ARL15: variants seen among roughly 807,000 people sequenced by gnomAD.
The protein encoded by ARL15 is ARF like GTPase 15.
In ARL15, 19 loss-of-function variants were observed where a neutral mutation model predicts 25.2. The ratio of observed to expected loss-of-function variants is 0.75; its 90% CI spans 0.53 to 1.10. The LOEUF is 1.10. Among genes scored for constraint, ARL15 ranks in the 50% least tolerant of loss-of-function variants. The pLI is 0.00. For synonymous variants in ARL15, 94 were observed against 86.8 expected, an observed-to-expected ratio of 1.08 and a Z score of -0.46; for missense variants, 220 against 246.0, an observed-to-expected ratio of 0.89 and a Z score of 0.71.
At chr5:54,303,747 G>A (rs2112718384) in intron 1 of ARL15, among the ~76,000 whole-genome samples, 1 of 147,574 alleles carries the variant, frequency 6.8e-6, no homozygotes, top group Admixed American at 6.8e-5. Context: ...GGGGAGGGGA[G>A]GGGAAAGGAG....
chr5:53,952,342 TA>T (rs1323472216), intron 4 of ARL15, among the ~76,000 whole-genome samples: 2 of 152,216 alleles, frequency 1.3e-5, no homozygotes, highest in Non-Finnish European at 2.9e-5. Flanking sequence ...TTTTTATGTT[TA>T]AACTTTTTAG....
At chr5:53,907,488 A>ATATAT (rs1360900279) in intron 4 of ARL15, among the ~76,000 whole-genome samples, 1 of 18,012 alleles carries the variant, frequency 5.6e-5, no homozygotes, top group East Asian at 2.6e-3. Context: ...ATATATATAT[A>ATATAT]TTTTTTTTTT....
At chr5:54,231,359 C>T (rs1215226264) in intron 1 of ARL15, among the ~76,000 whole-genome samples, 1 of 152,164 alleles carries the variant, frequency 6.6e-6, no homozygotes, top group Non-Finnish European at 1.5e-5. Flanking sequence ...ACTTCTGCCA[C>T]CCTCATCCAG....
At chr5:53,964,781 T>A (rs1002051958) in intron 4 of ARL15, among the ~76,000 whole-genome samples, 9 of 152,210 alleles carry the variant, frequency 5.9e-5, no homozygotes, top group African/African-American at 2.2e-4. Flanking sequence ...TTCTATAACA[T>A]CCTTGATGAT....
At chr5:54,279,888 G>A (rs922402253) in intron 1 of ARL15, among the ~76,000 whole-genome samples, 3 of 152,220 alleles carry the variant, frequency 2.0e-5, no homozygotes, top group Non-Finnish European at 4.4e-5. Context: ...GCCAGTCAGA[G>A]CTCCCTTTCT....
chr5:54,198,433 G>A lies in ARL15; in HGVS notation c.49-26505C>T, dbSNP rs1233517622. Among the ~76,000 whole-genome samples, 5 of 151,814 alleles carry A rather than the reference G, an allele frequency of 3.3e-5. No homozygotes were observed. The East Asian group carries it at 9.6e-4, about 29-fold the overall frequency. On this transcript the variant is annotated intron_variant, in intron 1 of 4. Transcript: ENST00000504924. ...GCCCAAAATCTCCTTAAGCTGATAA[G>A]CAACTTCACCAAAGTCTCAGGATAC...
At position 53,930,779 on chromosome 5, in the gene ARL15, T is replaced by C. The variant is rs147537854; in HGVS notation, c.463-44066A>G. Among the ~76,000 whole-genome samples, 162 of 152,270 alleles carry C rather than the reference T, an allele frequency of 1.1e-3. 2 individuals carry two copies. The highest frequency in any genetic ancestry group is 3.6e-3 in the African/African-American group (151 of 41,570). On this transcript the variant is annotated intron_variant, in intron 4 of 4. Transcript: ENST00000504924. The stretch of plus-strand genomic sequence containing the variant: ...ACTGTTAATTCAAGTGGTTTCCCTA[T>C]AGAAAAGATGCAGGTCGGTAGAGGG...
chr5:54,273,782 G>A lies in ARL15; in HGVS notation c.48+36650C>T, dbSNP rs145675215. Among the ~76,000 whole-genome samples, 22 of 152,226 alleles carry A rather than the reference G, an allele frequency of 1.4e-4. No homozygotes were observed. In the East Asian group the frequency reaches 3.3e-3, roughly 23 times the overall value. ...ACTGCTCAACACTTAATAAGTGCTCGGTAAATGTCAGTGGTGATCATGACC... is the reference window on the plus strand; with the variant it reads ...ACTGCTCAACACTTAATAAGTGCTCAGTAAATGTCAGTGGTGATCATGACC... On this transcript the variant is annotated intron_variant, in intron 1 of 4. Transcript: ENST00000504924.
intron 4 of ARL15, among the ~76,000 whole-genome samples, chr5:53,942,600 G>T (rs1261303865): frequency 6.6e-6 from 1 of 150,774 alleles, no homozygotes; most frequent in African/African-American, 2.4e-5. Flanking sequence ...ACAAAAATTA[G>T]CTGGGCATGG....
At position 53,902,820 on chromosome 5, in the gene ARL15, A is replaced by G. The variant is rs185878183; in HGVS notation, c.463-16107T>C. Among the ~76,000 whole-genome samples, 4 of 152,302 alleles carry G rather than the reference A, an allele frequency of 2.6e-5. No individual in the cohort carries two copies. The East Asian group carries it at 7.7e-4, about 29-fold the overall frequency. ...TACAGCAAGAAGCCACCATGGAAAC[A>G]CCAGAAGGAAAAGAAAAAACAGGAA... On this transcript the variant is annotated intron_variant, in intron 4 of 4. Coordinates refer to ENST00000504924, the MANE Select transcript of ARL15 (RefSeq NM_019087.3).
intron 4 of ARL15, among the ~76,000 whole-genome samples, chr5:53,975,363 A>T (rs1021455053): frequency 1.3e-5 from 2 of 152,200 alleles, no homozygotes; most frequent in Non-Finnish European, 2.9e-5. Flanking sequence ...AGTTTCATTA[A>T]TCTAAGCACT....
intron 1 of ARL15, among the ~76,000 whole-genome samples, chr5:54,210,219 T>A (rs1480740838): frequency 6.6e-6 from 1 of 152,204 alleles, no homozygotes; most frequent in Non-Finnish European, 1.5e-5. Context: ...CTTCAAAATA[T>A]ATTGTAAGAT....
chr5:54,090,988 T>TA lies in ARL15; in HGVS notation c.462+22213dup, dbSNP rs1461454425. 3.9e-5 allele frequency among the ~76,000 whole-genome samples: 6 copies of TA among 151,976 alleles called. No individual in the cohort carries two copies. The East Asian group carries it at 1.2e-3, about 31-fold the overall frequency. Reference sequence around the variant, plus strand: ...CTGAAAACACTGGTATTTTCTTATGTAAAAAACAAGAGTTTCTCCAGATTA... The same window carrying TA: ...CTGAAAACACTGGTATTTTCTTATGTAAAAAAACAAGAGTTTCTCCAGATTA... On this transcript the variant is annotated intron_variant, in intron 4 of 4. Coordinates refer to ENST00000504924, the MANE Select transcript of ARL15 (RefSeq NM_019087.3).
intron 4 of ARL15, among the ~76,000 whole-genome samples, chr5:54,002,188 A>G (rs1748869842): frequency 6.6e-6 from 1 of 152,168 alleles, no homozygotes; most frequent in Middle Eastern, 3.2e-3. Context: ...GGCTACTAAG[A>G]GGGGAGGCAG....
At chr5:54,140,667 G>C (rs1293118422) in intron 3 of ARL15, among the ~76,000 whole-genome samples, 1 of 152,124 alleles carries the variant, frequency 6.6e-6, no homozygotes, top group African/African-American at 2.4e-5. Context: ...CCAAGATGTG[G>C]AAAAATGAAA....
intron 3 of ARL15, among the ~76,000 whole-genome samples, chr5:54,153,652 C>T (rs1051930635): frequency 3.3e-5 from 5 of 152,004 alleles, no homozygotes; most frequent in East Asian, 1.9e-4. Context: ...CTGGCAGAAG[C>T]GAACCTGTCC....
chr5:54,166,175 C>T (rs1318794413), intron 2 of ARL15, among the ~76,000 whole-genome samples: 3 of 151,828 alleles, frequency 2.0e-5, no homozygotes, highest in African/African-American at 4.8e-5. Context: ...GTTATATTCA[C>T]GTTTCTTTCT....
chr5:54,275,954 AAG>A (rs1757918569), intron 1 of ARL15, among the ~76,000 whole-genome samples: 1 of 151,612 alleles, frequency 6.6e-6, no homozygotes, highest in Non-Finnish European at 1.5e-5. Flanking sequence ...CGGCCTCCCA[AAG>A]AGAGACAGAT....
At chr5:54,281,569 A>G (rs1758064330) in intron 1 of ARL15, among the ~76,000 whole-genome samples, 1 of 152,222 alleles carries the variant, frequency 6.6e-6, no homozygotes, top group South Asian at 2.1e-4. Flanking sequence ...AACCCATAAG[A>G]TGACAGTAGC....
Sources: allele counts gnomAD v4.1 joint callset (sites outside exome capture counted in the v4.1 genomes callset), GRCh38; gene constraint gnomAD v4.1.1; transcripts MANE v1.5; gene names NCBI Gene and HGNC (gene_info 2026-07-23, HGNC 2026-07-21).